Variants in FOXP2 observed in about 807,000 individuals in gnomAD.
FOXP2 encodes forkhead box P2.
In FOXP2, 12 loss-of-function variants were observed where a neutral mutation model predicts 115.8. That is an observed-to-expected ratio of 0.10 (90% CI 0.07 to 0.17). The LOEUF (loss-of-function observed/expected upper bound fraction) is 0.17, where lower values mean the gene tolerates loss of function less well. Ranked by LOEUF, FOXP2 falls within the 10% of genes least tolerant of loss-of-function variation. The pLI, the probability that FOXP2 is intolerant of heterozygous loss-of-function variation, is 1.00. For synonymous variants in FOXP2, 328 were observed against 297.7 expected, an observed-to-expected ratio of 1.10 and a Z score of -1.05; for missense variants, 629 against 843.5, an observed-to-expected ratio of 0.75 and a Z score of 3.15.
intron 1 of FOXP2, among the ~76,000 whole-genome samples, chr7:114,417,847 A>G (rs1793416249): frequency 6.6e-6 from 1 of 151,870 alleles, no homozygotes; most frequent in Admixed American, 6.6e-5. Context: ...CATTTTTGGT[A>G]TTTTCTTATA....
chr7:114,303,135 T>G (rs1796915860), intron 2 of FOXP2, among the ~76,000 whole-genome samples: 1 of 152,156 alleles, frequency 6.6e-6, no homozygotes, highest in Non-Finnish European at 1.5e-5. Flanking sequence ...TACACAGCAA[T>G]AGGTAGCTAA....
At chr7:114,669,174 C>T (rs1193007529) in intron 16 of FOXP2, 1 of 151,906 alleles carries the variant, frequency 6.6e-6, no homozygotes, top group Admixed American at 6.6e-5. Context: ...ATCATCTCAA[C>T]CTTGTTAAAT....
chr7:114,204,067 T>C (rs893409786), intron 1 of FOXP2, among the ~76,000 whole-genome samples: 1 of 152,180 alleles, frequency 6.6e-6, no homozygotes, highest in Non-Finnish European at 1.5e-5. Flanking sequence ...TTTTTTCTGC[T>C]TCTTCTTCTG....
intron 3 of FOXP2, among the ~76,000 whole-genome samples, chr7:114,618,447 G>T (rs920355265): frequency 6.6e-6 from 1 of 152,190 alleles, no homozygotes; most frequent in African/African-American, 2.4e-5. Flanking sequence ...CTAATAATTA[G>T]TACTAGTAGA....
At chr7:114,601,455 G>T (rs983471514) in intron 3 of FOXP2, among the ~76,000 whole-genome samples, 2 of 152,022 alleles carry the variant, frequency 1.3e-5, no homozygotes, top group Middle Eastern at 3.2e-3. Flanking sequence ...TTATGTCTGT[G>T]ATCCAGATTG....
At chr7:114,578,667 G>T (rs900793652) in intron 3 of FOXP2, among the ~76,000 whole-genome samples, 2 of 152,006 alleles carry the variant, frequency 1.3e-5, no homozygotes, top group Non-Finnish European at 2.9e-5. Context: ...CTATGAAAAA[G>T]CTTTAAAAAC....
chr7:114,352,266 GA>G (rs1437658606), intron 2 of FOXP2, among the ~76,000 whole-genome samples: 3 of 151,496 alleles, frequency 2.0e-5, no homozygotes, highest in Non-Finnish European at 4.4e-5. Flanking sequence ...GACCCTCTCT[GA>G]AGAAAAAAAA....
chr7:114,436,643 C>G (rs1336278998), intron 2 of FOXP2, among the ~76,000 whole-genome samples: 1 of 151,436 alleles, frequency 6.6e-6, no homozygotes, highest in Non-Finnish European at 1.5e-5. Context: ...AACTGTCTAG[C>G]AGGAAATGGA....
intron 2 of FOXP2, among the ~76,000 whole-genome samples, chr7:114,470,550 A>G (rs1795999999): frequency 6.6e-6 from 1 of 152,060 alleles, no homozygotes; most frequent in African/African-American, 2.4e-5. Flanking sequence ...TATTCCCAAC[A>G]TCTGGCCCAG....
In FOXP2 at chr7:114,587,842, T is replaced by C. The variant is rs150730268; in HGVS notation, c.259-40698T>C. 8.5e-3 allele frequency among the ~76,000 whole-genome samples: 1,244 copies of C among 145,708 alleles called. 22 individuals carry two copies. Among genetic ancestry groups the C allele is most frequent in the African/African-American group, 0.03 (1,193 of 40,430 alleles). On this transcript the variant is annotated intron_variant, in intron 3 of 16. Coordinates refer to ENST00000350908, the MANE Select transcript of FOXP2 (RefSeq NM_014491.4). The stretch of plus-strand genomic sequence containing the variant: ...CTAGTTCTGCAATAGTTTCTCAAAG[T>C]TCAAACAACTGCTAATTGGGTGAAT...
chr7:114,335,382 T>G (rs1797825825), intron 2 of FOXP2, among the ~76,000 whole-genome samples: 2 of 152,048 alleles, frequency 1.3e-5, no homozygotes, highest in South Asian at 2.1e-4. Flanking sequence ...TTCTATAATG[T>G]CTATAATTTA....
At chr7:114,634,122 A>C (rs1805080804) in intron 6 of FOXP2, among the ~76,000 whole-genome samples, 1 of 151,664 alleles carries the variant, frequency 6.6e-6, no homozygotes, top group Non-Finnish European at 1.5e-5. Context: ...CAGCTTTCCG[A>C]GTAGCTGCAA....
At chr7:114,102,940 T>G (rs1275690206) in intron 1 of FOXP2, among the ~76,000 whole-genome samples, 2 of 152,078 alleles carry the variant, frequency 1.3e-5, no homozygotes, top group East Asian at 3.8e-4. Flanking sequence ...TAAGAAATTA[T>G]CAGTAAGTAA....
At chr7:114,382,922 T>G (rs1792344072) in intron 2 of FOXP2, among the ~76,000 whole-genome samples, 1 of 152,256 alleles carries the variant, frequency 6.6e-6, no homozygotes, top group South Asian at 2.1e-4. Context: ...TTTTCCTCAG[T>G]CCTTCTAGCA....
chr7:114,141,967 G>A (rs1312849228), intron 1 of FOXP2, among the ~76,000 whole-genome samples: 13 of 152,060 alleles, frequency 8.5e-5, no homozygotes, highest in African/African-American at 2.4e-4. Context: ...TTCTTTCCCC[G>A]CTGCTCACTG....
intron 2 of FOXP2, among the ~76,000 whole-genome samples, chr7:114,482,341 T>C (rs530415826): frequency 2.9e-4 from 44 of 151,736 alleles, no homozygotes; most frequent in Admixed American, 1.1e-3. Context: ...TTAAATGATA[T>C]ATTCTTTGTT....
At chr7:114,202,275 C>G (rs1584542209) in intron 1 of FOXP2, among the ~76,000 whole-genome samples, 1 of 152,192 alleles carries the variant, frequency 6.6e-6, no homozygotes, top group Non-Finnish European at 1.5e-5. Context: ...CTTACATCCT[C>G]TCTGTATGTT....
chr7:114,523,386 T>A (rs1487897092), intron 2 of FOXP2, among the ~76,000 whole-genome samples: 1 of 152,152 alleles, frequency 6.6e-6, no homozygotes, highest in Non-Finnish European at 1.5e-5. Flanking sequence ...CTCTCTCTTC[T>A]CAAATGGTTT....
rs187926680 is a variant in FOXP2, at chr7:114,168,483, C to T, written c.-102+5395C>T. On this transcript the variant is annotated intron_variant, in intron 1 of 17. Transcript: ENST00000634411. ...CCCTAGAGATTTTTGGAACTTTGAA[C>T]TTGAGAGAGATGATTTAAGATATCT... Among the ~76,000 whole-genome samples, 1,370 of 152,158 alleles carry T rather than the reference C, an allele frequency of 9.0e-3. 11 individuals carry two copies. Among genetic ancestry groups the T allele is most frequent in the Non-Finnish European group, 0.015 (1,016 of 68,002 alleles).
Sources: allele counts gnomAD v4.1 joint callset (sites outside exome capture counted in the v4.1 genomes callset), GRCh38; gene constraint gnomAD v4.1.1; transcripts MANE v1.5; gene names NCBI Gene and HGNC (gene_info 2026-07-23, HGNC 2026-07-21).